The following PRKG1 variants were observed in gnomAD, a reference collection of about 807,000 sequenced individuals.
PRKG1 encodes the protein protein kinase cGMP-dependent 1, also known as cGMP-dependent protein kinase 1.
In PRKG1, 35 loss-of-function variants were observed where a neutral mutation model predicts 88.1. The observed-to-expected ratio is 0.40, with a 90% CI of 0.30 to 0.53. The LOEUF is 0.53. Among genes scored for constraint, PRKG1 ranks in the 20% least tolerant of loss-of-function variants. The pLI is 0.59. For synonymous variants in PRKG1, 303 were observed against 292.5 expected, an observed-to-expected ratio of 1.04 and a Z score of -0.37; for missense variants, 540 against 839.8, an observed-to-expected ratio of 0.64 and a Z score of 4.41.
At chr10:51,264,065 A>G (rs559400553) in intron 2 of PRKG1, among the ~76,000 whole-genome samples, 135 of 152,340 alleles carry the variant, frequency 8.9e-4, no homozygotes, top group Admixed American at 2.6e-3. Context: ...ACTTCCATCA[A>G]TCATGTCATG....
chr10:51,840,535 T>TTATC (rs1379546190), intron 4 of PRKG1, among the ~76,000 whole-genome samples: 1 of 149,554 alleles, frequency 6.7e-6, no homozygotes, highest in East Asian at 2.0e-4. Flanking sequence ...ATTTATTTAT[T>TTATC]TATTTATTTA....
intron 3 of PRKG1, among the ~76,000 whole-genome samples, chr10:51,760,960 C>T (rs574030474): frequency 2.6e-5 from 4 of 152,066 alleles, no homozygotes; most frequent in African/African-American, 9.6e-5. Context: ...ACTAAAAATA[C>T]AAAAATTAGC....
chr10:51,448,904 T>C (rs1839351881), intron 2 of PRKG1, among the ~76,000 whole-genome samples: 1 of 152,076 alleles, frequency 6.6e-6, no homozygotes, highest in Admixed American at 6.6e-5. Flanking sequence ...GAGGAATTTA[T>C]GAAAAGTATA....
At chr10:52,075,951 T>C (rs751369334) in intron 7 of PRKG1, among the ~76,000 whole-genome samples, 3 of 152,158 alleles carry the variant, frequency 2.0e-5, no homozygotes, top group Non-Finnish European at 4.4e-5. Flanking sequence ...TACTGTCACA[T>C]TGGGGGTTAG....
At chr10:52,030,386 G>T (rs1845446063) in intron 5 of PRKG1, among the ~76,000 whole-genome samples, 1 of 152,166 alleles carries the variant, frequency 6.6e-6, no homozygotes, top group Non-Finnish European at 1.5e-5. Context: ...TATACCTTCA[G>T]CAAAGCACTT....
In PRKG1 at chr10:52,089,750, C is replaced by T. The variant is rs559095105; in HGVS notation, c.935+27119C>T. ...ACTTAAGGGCCTAGAAGCAGTGACACCCTCATAGCAACCAACCAACACATC... is the reference window on the plus strand; with the variant it reads ...ACTTAAGGGCCTAGAAGCAGTGACATCCTCATAGCAACCAACCAACACATC... On this transcript the variant is annotated intron_variant, in intron 7 of 17. Transcript: ENST00000373980. Among the ~76,000 whole-genome samples the T allele has an allele frequency of 2.0e-5, 3 of 151,258 alleles. 1 individual carries two copies. The South Asian group carries it at 6.3e-4, about 32-fold the overall frequency.
chr10:51,832,008 T>C lies in PRKG1; in HGVS notation c.698+27318T>C, dbSNP rs535871484. On this transcript the variant is annotated intron_variant, in intron 4 of 17. Transcript: ENST00000373980. ...TTTTCTAAATTTGATATAATAAGTG[T>C]ACAAAGAGGTTTAAGAAAACTGGAA... is the stretch of plus-strand genomic sequence containing the variant. Among the ~76,000 whole-genome samples, 27 of 152,286 alleles carry C rather than the reference T, an allele frequency of 1.8e-4. No individual in the cohort carries two copies. The East Asian group carries it at 5.0e-3, about 28-fold the overall frequency.
chr10:51,870,855 T>G (rs78784589), intron 4 of PRKG1, among the ~76,000 whole-genome samples: 1 of 152,188 alleles, frequency 6.6e-6, no homozygotes, highest in Non-Finnish European at 1.5e-5. Context: ...AAGATCCAAC[T>G]CAGAAAATTT....
rs558986462 is a variant in PRKG1 at position 51,045,476 on chromosome 10, C to T, written c.266+53832C>T. On this transcript the variant is annotated intron_variant, in intron 1 of 17. Transcript: ENST00000401604. ...TAGCTGGGACTACAGGCATGTGCCA[C>T]CACACCCAGCTAATTCTTTTTGTAT... Among the ~76,000 whole-genome samples, 8 of 152,274 alleles carry T rather than the reference C, an allele frequency of 5.3e-5. No homozygotes were observed. In the South Asian group the frequency reaches 1.5e-3, roughly 28 times the overall value.
At chr10:51,838,390 A>T (rs966505888) in intron 4 of PRKG1, among the ~76,000 whole-genome samples, 19 of 152,196 alleles carry the variant, frequency 1.2e-4, no homozygotes, top group African/African-American at 4.3e-4. Flanking sequence ...CGAAAACAAC[A>T]TTTAAAAGCC....
At chr10:51,094,913 G>A (rs952582700) in intron 1 of PRKG1, among the ~76,000 whole-genome samples, 1 of 152,084 alleles carries the variant, frequency 6.6e-6, no homozygotes, top group Admixed American at 6.6e-5. Context: ...TAGCATTTGA[G>A]TCACTTGAAG....
In PRKG1 at chr10:52,288,860, A is replaced by C; in HGVS notation, c.1832+12A>C. 1 of 1,597,124 alleles carries C rather than the reference A, an allele frequency of 6.3e-7. No individual in the cohort carries two copies. Among genetic ancestry groups the C allele is most frequent in the Non-Finnish European group, 8.5e-7 (1 of 1,174,054 alleles). On this transcript the variant is annotated intron_variant, in intron 15 of 17. Transcript: ENST00000373980. ...AAAAAACTATGCAGGTAAGTATTTC[A>C]ACCACATTATTTTTGAAAACATCAT...
At chr10:51,630,349 A>C (rs948633315) in intron 3 of PRKG1, among the ~76,000 whole-genome samples, 1 of 152,186 alleles carries the variant, frequency 6.6e-6, no homozygotes, top group Admixed American at 6.5e-5. Flanking sequence ...TTTCTCAGCT[A>C]ACCAGCATTT....
intron 1 of PRKG1, among the ~76,000 whole-genome samples, chr10:51,077,517 A>G (rs1241953046): frequency 6.6e-6 from 1 of 152,042 alleles, no homozygotes; most frequent in Non-Finnish European, 1.5e-5. Flanking sequence ...CCTTCTGAGG[A>G]TTATAATTTT....
chr10:51,809,051 T>C (rs1424287385), intron 4 of PRKG1, among the ~76,000 whole-genome samples: 1 of 152,160 alleles, frequency 6.6e-6, no homozygotes, highest in Non-Finnish European at 1.5e-5. Context: ...ACACCAGGCA[T>C]ATAAATGCAC....
intron 5 of PRKG1, among the ~76,000 whole-genome samples, chr10:51,938,926 A>AT (rs1842849365): frequency 6.6e-6 from 1 of 152,060 alleles, no homozygotes; most frequent in Non-Finnish European, 1.5e-5. Context: ...CTATTTTATC[A>AT]TTTGTATTAT....
At chr10:52,127,998 A>AT (rs1164899146) in intron 7 of PRKG1, 9 of 967,456 alleles carry the variant, frequency 9.3e-6, no homozygotes, top group Non-Finnish European at 1.1e-5. Flanking sequence ...AATTTATTTC[A>AT]TTTTTTGTGG....
chr10:52,086,943 G>A (rs903494120), intron 7 of PRKG1, among the ~76,000 whole-genome samples: 15 of 152,070 alleles, frequency 9.9e-5, no homozygotes, highest in African/African-American at 3.6e-4. Flanking sequence ...CCGAGTAAAA[G>A]GGAGAAAAGC....
At chr10:52,060,933 T>C (rs1846221348) in intron 6 of PRKG1, among the ~76,000 whole-genome samples, 1 of 151,956 alleles carries the variant, frequency 6.6e-6, no homozygotes, top group Admixed American at 6.6e-5. Context: ...TCTACAGAAT[T>C]AGTAAATTGC....
Sources: gnomAD v4.1 joint callset for allele counts (sites outside exome capture counted in the v4.1 genomes callset) on GRCh38, gnomAD v4.1.1 for gene constraint, MANE v1.5 for transcripts, NCBI Gene and HGNC (gene_info 2026-07-23, HGNC 2026-07-21) for gene names.